The following VSIG10 variants were observed in gnomAD, a reference collection of about 807,000 sequenced individuals.
VSIG10 encodes V-set and immunoglobulin domain-containing protein 10.
In VSIG10, 48 loss-of-function variants were observed where a neutral mutation model predicts 58.7. The observed-to-expected ratio is 0.82, with a 90% CI of 0.65 to 1.04. The LOEUF is 1.04. Among genes scored for constraint, VSIG10 ranks in the 50% least tolerant of loss-of-function variants. VSIG10 has a pLI of 0.00. For synonymous variants in VSIG10, 260 were observed against 267.1 expected (o/e 0.97, Z 0.26); for missense variants, 628 against 670.0 (o/e 0.94, Z 0.69).
intron 2 of VSIG10, among the ~76,000 whole-genome samples, chr12:118,094,795 A>AG (rs1172274720): frequency 6.7e-6 from 1 of 148,864 alleles, no homozygotes; most frequent in African/African-American, 2.5e-5. Flanking sequence ...GGAGTGCAGT[A>AG]GTGCGATCTT....
In VSIG10 at chr12:118,066,615, G is replaced by T. The variant is rs377534719; in HGVS notation, c.*24C>A. The T allele has an allele frequency of 1.2e-6, 2 of 1,613,516 alleles. No individual in the cohort carries two copies. Among genetic ancestry groups the T allele is most frequent in the Non-Finnish European group, 1.7e-6 (2 of 1,179,686 alleles). On this transcript the variant is annotated 3_prime_UTR_variant, in exon 9 of 9. Coordinates refer to ENST00000359236, the MANE Select transcript of VSIG10 (RefSeq NM_019086.6). ...GTAGCTCTCCAAGCTTTCAGAGCAAGACAACCATGGACCATCCTCTTCTTC... is the reference window on the plus strand; with the variant it reads ...GTAGCTCTCCAAGCTTTCAGAGCAATACAACCATGGACCATCCTCTTCTTC...
chr12:118,066,755 C>G (rs1450429872), intron 8 of VSIG10, 61 bp from the exon 9 acceptor site: 1 of 1,497,670 alleles, frequency 6.7e-7, no homozygotes, highest in Admixed American at 2.0e-5. Context: ...TTTCCACCGT[C>G]AGTCATCAAT....
chr12:118,067,536 T>TAGTGAG (rs1237241183), intron 8 of VSIG10, among the ~76,000 whole-genome samples: 2 of 149,080 alleles, frequency 1.3e-5, no homozygotes, highest in East Asian at 4.1e-4. Context: ...CGATCTCGGC[T>TAGTGAG]CACTGCAGCC....
In VSIG10 at chr12:118,103,672, C is replaced by T; in HGVS notation, c.-1G>A. 4.7e-6 allele frequency: 7 copies of T among 1,492,924 alleles called. No individual in the cohort carries two copies. Among genetic ancestry groups the T allele is most frequent in the Non-Finnish European group, 5.3e-6 (6 of 1,126,338 alleles). The allele number at this position is 1,492,924 out of a possible 1,614,324, so 92.5% of individuals were successfully genotyped here. A position where few individuals can be genotyped will look rare whatever the true frequency, so the allele number is the denominator to read the frequency against. ...CGGGCGCACTGCCGCCTGCGGCCAT[C>T]TCGCCCCAGATCCCGGCTCAGGAAA... On this transcript the variant is annotated 5_prime_UTR_variant, in exon 1 of 9. Transcript: ENST00000359236.
chr12:118,089,806 C>T (rs551091011), intron 2 of VSIG10, among the ~76,000 whole-genome samples: 1 of 152,156 alleles, frequency 6.6e-6, no homozygotes, highest in South Asian at 2.1e-4. Context: ...TCCTGCTGGT[C>T]TCCTTCCAAA....
chr12:118,091,532 T>C (rs954600008), intron 2 of VSIG10, among the ~76,000 whole-genome samples: 2 of 151,974 alleles, frequency 1.3e-5, no homozygotes, highest in Non-Finnish European at 2.9e-5. Flanking sequence ...CACATTAATT[T>C]GTTTCTCATC....
chr12:118,088,843 T>C (rs10850957), intron 2 of VSIG10, among the ~76,000 whole-genome samples: 49,773 of 152,048 alleles, frequency 0.33, 8,942 homozygotes, highest in Admixed American at 0.44. Flanking sequence ...CGTGAAGAAA[T>C]TTCCATACTA....
At chr12:118,089,520 C>T (rs916702013) in intron 2 of VSIG10, among the ~76,000 whole-genome samples, 1 of 152,168 alleles carries the variant, frequency 6.6e-6, no homozygotes, top group Admixed American at 6.6e-5. Flanking sequence ...TTATTTTGGG[C>T]AGGTGGACTG....
At chr12:118,076,368 C>CTT (rs57070820) in intron 4 of VSIG10, among the ~76,000 whole-genome samples, 30 of 139,580 alleles carry the variant, frequency 2.1e-4, no homozygotes, top group Non-Finnish European at 2.8e-4. Flanking sequence ...TGCACGGTCC[C>CTT]TTTTTTTTTT....
intron 1 of VSIG10, chr12:118,101,539 G>C (rs939492056): frequency 2.0e-5 from 3 of 152,134 alleles, no homozygotes; most frequent in Non-Finnish European, 4.4e-5. Context: ...GTACAATAGA[G>C]AACCGAAGAG....
At chr12:118,099,569 A>G (rs1250582531) in intron 1 of VSIG10, among the ~76,000 whole-genome samples, 1 of 152,208 alleles carries the variant, frequency 6.6e-6, no homozygotes, top group African/African-American at 2.4e-5. Flanking sequence ...CTCCACAATC[A>G]AGACCCAATA....
At chr12:118,077,939 C>T (rs186649226) in intron 4 of VSIG10, among the ~76,000 whole-genome samples, 1 of 152,204 alleles carries the variant, frequency 6.6e-6, no homozygotes, top group African/African-American at 2.4e-5. Context: ...AATTCCTGAC[C>T]CACAGAAATC....
chr12:118,068,205 T>C (rs1307406548), intron 8 of VSIG10, among the ~76,000 whole-genome samples, 172 bp downstream of exon 8: 1 of 147,414 alleles, frequency 6.8e-6, no homozygotes, highest in African/African-American at 2.5e-5. Context: ...TTTTTTTTTT[T>C]TTTTTTTTTC....
At chr12:118,074,754 C>T (rs1435468543) in intron 4 of VSIG10, among the ~76,000 whole-genome samples, 1 of 152,214 alleles carries the variant, frequency 6.6e-6, no homozygotes, top group African/African-American at 2.4e-5. Flanking sequence ...GCTAGGATTA[C>T]AGGCGTGAGC....
Position 118,063,949 on chromosome 12 carries a change from C to T in VSIG10, c.*2690G>A, listed in dbSNP as rs575577354. ...GTGGAGGCCCCCTTCCCAGGCTCCA[C>T]CAGGGTTTGAGAAAAACAAGAAAAA... On this transcript the variant is annotated 3_prime_UTR_variant, in exon 9 of 9. Coordinates refer to ENST00000359236, the MANE Select transcript of VSIG10 (RefSeq NM_019086.6). 1.4e-4 allele frequency: 22 copies of T among 152,160 alleles called. No homozygotes were observed. Among genetic ancestry groups the T allele is most frequent in the Admixed American group, 5.2e-4 (8 of 15,278 alleles). The allele number at this position is 152,160 out of a possible 1,614,324, so 9.4% of individuals were successfully genotyped here.
intron 2 of VSIG10, among the ~76,000 whole-genome samples, chr12:118,090,905 C>G (rs531666353): frequency 2.1e-4 from 32 of 152,166 alleles, no homozygotes; most frequent in Non-Finnish European, 4.0e-4. Context: ...GGGACCAAGG[C>G]GGGTGGATCA....
chr12:118,068,022 GCTTT>G (rs2032315838), intron 8 of VSIG10, among the ~76,000 whole-genome samples: 1 of 107,588 alleles, frequency 9.3e-6, no homozygotes, highest in African/African-American at 3.8e-5. Context: ...AGGTTTGTGG[GCTTT>G]TTTTTTTTTT....
rs753613017 is a variant in VSIG10, at chr12:118,073,793, G to A, written c.1125C>T (p.His375=). The A allele has an allele frequency of 1.9e-6, 3 of 1,613,902 alleles. No homozygotes were observed. Among genetic ancestry groups the A allele is most frequent in the Non-Finnish European group, 1.7e-6 (2 of 1,179,904 alleles). The change falls in exon 5 of 9, where the codon CAC becomes CAT. Residue 375 remains histidine (H), a synonymous_variant. Coordinates refer to ENST00000359236, the MANE Select transcript of VSIG10 (RefSeq NM_019086.6). ...CCTCATCCAGGTCCTGGGAGCAGTTGTGGATAGTGAGGGTGGAGTTCTGGC... is the reference window on the plus strand; with the variant it reads ...CCTCATCCAGGTCCTGGGAGCAGTTATGGATAGTGAGGGTGGAGTTCTGGC... The part of the protein sequence containing the change: ...QDGQNSTLTI[H]NCSQDLDEGY...
At position 118,100,313 on chromosome 12, in the gene VSIG10, C is replaced by T. The variant is rs538772207; in HGVS notation, c.79+3280G>A. On this transcript the variant is annotated intron_variant, in intron 1 of 8. Transcript: ENST00000359236. ...GAGCTCGGGACCAGCCTGGCTAACA[C>T]GGTGAAACCCCGTTTCTACTAAAAA... Among the ~76,000 whole-genome samples the T allele has an allele frequency of 5.3e-5, 8 of 151,734 alleles. No homozygotes were observed. In the South Asian group the frequency reaches 6.3e-4, roughly 12 times the overall value.
Sources: allele counts gnomAD v4.1 joint callset (sites outside exome capture counted in the v4.1 genomes callset), GRCh38; gene constraint gnomAD v4.1.1; transcripts MANE v1.5; gene names NCBI Gene and HGNC (gene_info 2026-07-23, HGNC 2026-07-21).